Variants in APBA1 observed in about 807,000 individuals in gnomAD.
The protein encoded by APBA1 is amyloid beta precursor protein binding family A member 1.
APBA1 carries 55 observed loss-of-function variants against 86.6 expected under a neutral mutation model. That is an observed-to-expected ratio of 0.64 (90% CI 0.51 to 0.80). The LOEUF (loss-of-function observed/expected upper bound fraction) is 0.80, where lower values mean the gene tolerates loss of function less well. Among genes scored for constraint, APBA1 ranks in the 30% least tolerant of loss-of-function variants. APBA1 has a pLI of 0.00. For synonymous variants in APBA1, 511 were observed against 493.9 expected (o/e 1.03, Z -0.46); for missense variants, 1,090 against 1,183.0 (o/e 0.92, Z 1.15).
At chr9:69,620,003 C>G (rs1822783501) in intron 1 of APBA1, among the ~76,000 whole-genome samples, 2 of 152,178 alleles carry the variant, frequency 1.3e-5, no homozygotes, top group African/African-American at 4.8e-5. Flanking sequence ...ACAAAAGATT[C>G]CCAATACCCA....
intron 1 of APBA1, among the ~76,000 whole-genome samples, chr9:69,633,995 C>A (rs1823103047): frequency 6.6e-6 from 1 of 152,194 alleles, no homozygotes. Context: ...TGAATAGAAG[C>A]CTTCACTGAT....
At chr9:69,531,298 G>C (rs1018733128) in intron 1 of APBA1, among the ~76,000 whole-genome samples, 2 of 152,114 alleles carry the variant, frequency 1.3e-5, no homozygotes, top group African/African-American at 2.4e-5. Flanking sequence ...GGCTGTGTCA[G>C]CTCTTCCAAA....
At chr9:69,665,754 T>C (rs1823830134) in intron 1 of APBA1, among the ~76,000 whole-genome samples, 1 of 152,192 alleles carries the variant, frequency 6.6e-6, no homozygotes, top group Non-Finnish European at 1.5e-5. Context: ...AGCTGACTAG[T>C]ATTTCATCAC....
At chr9:69,602,508 G>A (rs571641391) in intron 1 of APBA1, among the ~76,000 whole-genome samples, 2 of 151,826 alleles carry the variant, frequency 1.3e-5, no homozygotes, top group East Asian at 1.9e-4. Context: ...GAGGTGGAGC[G>A]TGCAGTTTGC....
At chr9:69,465,921 TC>T (rs1271380573) in intron 5 of APBA1, among the ~76,000 whole-genome samples, 1 of 152,156 alleles carries the variant, frequency 6.6e-6, no homozygotes, top group Non-Finnish European at 1.5e-5. Flanking sequence ...GCTGAGTGGA[TC>T]CCTGACACAC....
At chr9:69,641,645 G>T (rs1371998127) in intron 1 of APBA1, among the ~76,000 whole-genome samples, 3 of 152,082 alleles carry the variant, frequency 2.0e-5, no homozygotes, top group Non-Finnish European at 4.4e-5. Context: ...ATATGGAAAT[G>T]ATAATCTTTT....
chr9:69,556,492 T>C (rs1367940798), intron 1 of APBA1, among the ~76,000 whole-genome samples: 1 of 152,188 alleles, frequency 6.6e-6, no homozygotes, highest in Non-Finnish European at 1.5e-5. Context: ...AGAATTCTGA[T>C]GCCCAGGGCC....
At chr9:69,548,358 G>C (rs1836730312) in intron 1 of APBA1, among the ~76,000 whole-genome samples, 1 of 152,184 alleles carries the variant, frequency 6.6e-6, no homozygotes. Context: ...TTTGCTTTTA[G>C]CTCCATGGGA....
intron 2 of APBA1, among the ~76,000 whole-genome samples, chr9:69,506,042 A>G (rs938070405): frequency 2.0e-5 from 3 of 151,674 alleles, no homozygotes; most frequent in African/African-American, 7.3e-5. Context: ...AGAAGAAAAA[A>G]AAAAGAAAAG....
intron 1 of APBA1, among the ~76,000 whole-genome samples, chr9:69,644,419 G>A (rs552124867): frequency 2.0e-5 from 3 of 152,146 alleles, no homozygotes; most frequent in African/African-American, 4.8e-5. Flanking sequence ...TTTCAATGTT[G>A]ACACTATTTT....
intron 1 of APBA1, among the ~76,000 whole-genome samples, chr9:69,529,883 A>G (rs1205231528): frequency 6.6e-6 from 1 of 152,186 alleles, no homozygotes; most frequent in East Asian, 1.9e-4. Flanking sequence ...AACTGTGCAA[A>G]TGACATGAGC....
At chr9:69,618,676 C>T (rs1822755839) in intron 1 of APBA1, among the ~76,000 whole-genome samples, 1 of 152,138 alleles carries the variant, frequency 6.6e-6, no homozygotes. Flanking sequence ...GACAAGGAGC[C>T]ATCATGGCTC....
intron 1 of APBA1, among the ~76,000 whole-genome samples, chr9:69,604,686 G>A (rs1161182511): frequency 7.7e-6 from 1 of 130,030 alleles, no homozygotes; most frequent in African/African-American, 3.4e-5. Flanking sequence ...ATGAGCATGG[G>A]CACACATGCA....
chr9:69,662,225 A>G (rs1029502595), intron 1 of APBA1, among the ~76,000 whole-genome samples: 5 of 152,274 alleles, frequency 3.3e-5, no homozygotes. Context: ...CCTGTTTTGT[A>G]GCCACTGAGG....
rs141435487 is a variant in APBA1, at chr9:69,573,151, C to T, written c.-69-55872G>A. On this transcript the variant is annotated intron_variant, in intron 1 of 12. Transcript: ENST00000265381. ...CTCCAGCCTCGCGACAGAGCAAGAC[C>T]ATCTCAAAAAAAATAAATAAATAAA... Among the ~76,000 whole-genome samples the T allele has an allele frequency of 2.2e-3, 337 of 151,770 alleles. 1 individual carries two copies. The highest frequency in any genetic ancestry group is 7.5e-3 in the African/African-American group (311 of 41,282).
intron 2 of APBA1, among the ~76,000 whole-genome samples, chr9:69,489,103 C>T (rs943757175): frequency 5.9e-5 from 9 of 152,078 alleles, no homozygotes; most frequent in African/African-American, 2.2e-4. Flanking sequence ...CTACCAATGA[C>T]TTTCTTCACA....
intron 1 of APBA1, among the ~76,000 whole-genome samples, chr9:69,575,175 C>T (rs905947641): frequency 2.4e-4 from 36 of 152,148 alleles, no homozygotes; most frequent in Non-Finnish European, 5.0e-4. Context: ...GCCTCAGCCT[C>T]CCAAAGTACT....
At chr9:69,498,057 T>C (rs1243243678) in intron 2 of APBA1, among the ~76,000 whole-genome samples, 1 of 152,056 alleles carries the variant, frequency 6.6e-6, no homozygotes, top group Non-Finnish European at 1.5e-5. Context: ...GCCTCTTGGG[T>C]AATCTCCTCC....
chr9:69,660,444 GC>G (rs1480277827), intron 1 of APBA1, among the ~76,000 whole-genome samples: 2 of 152,214 alleles, frequency 1.3e-5, no homozygotes, highest in Non-Finnish European at 2.9e-5. Context: ...AGGGAGCAAA[GC>G]TAAACATCTG....
Sources: allele counts gnomAD v4.1 joint callset (sites outside exome capture counted in the v4.1 genomes callset), GRCh38; gene constraint gnomAD v4.1.1; transcripts MANE v1.5; gene names NCBI Gene and HGNC (gene_info 2026-07-23, HGNC 2026-07-21).